SGCG: variants seen among roughly 807,000 people sequenced by gnomAD.
SGCG encodes gamma-sarcoglycan.
In SGCG, 26 loss-of-function variants were observed where a neutral mutation model predicts 29.3. That is an observed-to-expected ratio of 0.89 (90% confidence interval 0.65 to 1.23). The LOEUF is 1.23. Among genes scored for constraint, SGCG ranks in the 50% most tolerant of loss-of-function variants. SGCG has a pLI of 0.00. For missense variants in SGCG, 353 were observed against 356.0 expected (o/e 0.99, Z 0.07); for synonymous variants, 145 against 129.7 (o/e 1.12, Z -0.80).
intron 2 of SGCG, among the ~76,000 whole-genome samples, chr13:23,221,275 A>G (rs1427332215): frequency 6.6e-6 from 1 of 152,208 alleles, no homozygotes; most frequent in African/African-American, 2.4e-5. Flanking sequence ...TGATATAATT[A>G]TATGTTACCT....
chr13:23,276,463 C>T (rs1290355075), intron 4 of SGCG, among the ~76,000 whole-genome samples: 5 of 105,458 alleles, frequency 4.7e-5, no homozygotes, highest in African/African-American at 1.6e-4. Flanking sequence ...GACAGAGTCT[C>T]GCTCTGTTGC....
At chr13:23,284,907 GC>G (rs1881436357) in intron 5 of SGCG, among the ~76,000 whole-genome samples, 1 of 152,184 alleles carries the variant, frequency 6.6e-6, no homozygotes, top group African/African-American at 2.4e-5. Context: ...GTCCACTCCA[GC>G]CCCTGTTTGC....
At chr13:23,299,279 T>C (rs1381854667) in intron 6 of SGCG, among the ~76,000 whole-genome samples, 1 of 130,652 alleles carries the variant, frequency 7.7e-6, no homozygotes, top group Non-Finnish European at 1.6e-5. Context: ...ACTGATTATA[T>C]GATGGTCATA....
At chr13:23,187,576 C>T (rs55794830) in intron 1 of SGCG, among the ~76,000 whole-genome samples, 15,737 of 152,174 alleles carry the variant, frequency 0.1, 1,088 homozygotes, top group East Asian at 0.3. Context: ...AAATGTGGCC[C>T]GTTTCCTCCC....
intron 1 of SGCG, among the ~76,000 whole-genome samples, chr13:23,196,643 G>T (rs1192995415): frequency 6.6e-6 from 1 of 152,004 alleles, no homozygotes; most frequent in Admixed American, 6.6e-5. Flanking sequence ...GCTTGGTTGA[G>T]ATTATTTATA....
At chr13:23,314,407 T>TATATATATATATATATATATAA (rs1439124394) in intron 6 of SGCG, among the ~76,000 whole-genome samples, 10 of 140,942 alleles carry the variant, frequency 7.1e-5, no homozygotes, top group African/African-American at 2.4e-4. Context: ...TATATATATA[T>TATATATATATATATATATATAA]AATCTTATTC....
rs1361293561 is a variant in SGCG at position 23,279,350 on chromosome 13, A to G, written c.386-9A>G. The G allele has an allele frequency of 2.5e-6, 4 of 1,611,702 alleles. No homozygotes were observed. The highest frequency in any genetic ancestry group is 3.4e-6 in the Non-Finnish European group (4 of 1,178,488). On this transcript the variant is annotated splice_polypyrimidine_tract_variant and intron_variant, in intron 4 of 7. Coordinates refer to ENST00000218867, the MANE Select transcript of SGCG (RefSeq NM_000231.3). The stretch of plus-strand genomic sequence containing the variant: ...GAACAGTTTATAATAAACTGTTTTA[A>G]TTCTTCAGGTCCCAAAATGGTAGAA...
chr13:23,265,607 A>C (rs1007718491), intron 4 of SGCG, among the ~76,000 whole-genome samples: 4 of 152,142 alleles, frequency 2.6e-5, no homozygotes, highest in Admixed American at 2.6e-4. Flanking sequence ...ATAAGTAGGC[A>C]AAAGACATTA....
At chr13:23,228,367 A>C (rs989434234) in intron 2 of SGCG, among the ~76,000 whole-genome samples, 3 of 152,178 alleles carry the variant, frequency 2.0e-5, no homozygotes, top group Non-Finnish European at 2.9e-5. Context: ...TTATAGATTT[A>C]TTTTTTATTT....
chr13:23,205,174 A>G (rs888148693), intron 2 of SGCG, among the ~76,000 whole-genome samples: 1 of 152,162 alleles, frequency 6.6e-6, no homozygotes, highest in African/African-American at 2.4e-5. Flanking sequence ...TAAAATCACT[A>G]TTTCTACAGC....
intron 1 of SGCG, among the ~76,000 whole-genome samples, chr13:23,203,138 T>A (rs981077984): frequency 6.6e-6 from 1 of 152,098 alleles, no homozygotes; most frequent in Non-Finnish European, 1.5e-5. Context: ...TTTTTGTATT[T>A]TTAGTAGAGA....
chr13:23,248,204 CA>C (rs570432920), intron 3 of SGCG, among the ~76,000 whole-genome samples: 6,948 of 151,526 alleles, frequency 0.046, 185 homozygotes, highest in South Asian at 0.076. Context: ...AAATTTCTAT[CA>C]AAAAAAAATT....
At chr13:23,274,395 C>CTTTTTTTTT (rs869153381) in intron 4 of SGCG, among the ~76,000 whole-genome samples, 61 of 85,234 alleles carry the variant, frequency 7.2e-4, no homozygotes, top group Non-Finnish European at 1.0e-3. Context: ...CTTTCTTTCT[C>CTTTTTTTTT]TTTTTTTTTT....
intron 6 of SGCG, among the ~76,000 whole-genome samples, chr13:23,297,836 C>T (rs1166808814): frequency 6.6e-6 from 1 of 151,670 alleles, no homozygotes; most frequent in African/African-American, 2.4e-5. Context: ...CCTCTGCCTC[C>T]CGGATTCAAG....
chr13:23,161,384 T>G, the SGCG span, among the ~76,000 whole-genome samples: 9 of 152,222 alleles, frequency 5.9e-5, no homozygotes, highest in African/African-American at 2.2e-4. Flanking sequence ...ACTCATCCAG[T>G]GATAATATTG....
chr13:23,241,438 A>T (rs531051608), intron 3 of SGCG, among the ~76,000 whole-genome samples: 8 of 152,164 alleles, frequency 5.3e-5, no homozygotes, highest in Middle Eastern at 3.2e-3. Context: ...GGAAATCTAA[A>T]CAGACCAATA....
At chr13:23,187,123 C>T (rs1052946181) in intron 1 of SGCG, among the ~76,000 whole-genome samples, 7 of 152,168 alleles carry the variant, frequency 4.6e-5, no homozygotes, top group South Asian at 2.1e-4. Context: ...GGCCTCCCTC[C>T]CTGCCACCAT....
chr13:23,249,882 C>G (rs1468577861), intron 3 of SGCG, among the ~76,000 whole-genome samples: 1 of 151,852 alleles, frequency 6.6e-6, no homozygotes, highest in Non-Finnish European at 1.5e-5. Context: ...AAAAATTGTT[C>G]AAAGAATTAA....
intron 2 of SGCG, among the ~76,000 whole-genome samples, chr13:23,218,737 C>A (rs1029732886): frequency 9.2e-5 from 14 of 151,750 alleles, no homozygotes; most frequent in African/African-American, 3.4e-4. Context: ...TATTGTGCTG[C>A]TTTTATTGTA....
Sources: allele counts gnomAD v4.1 joint callset (sites outside exome capture counted in the v4.1 genomes callset), GRCh38; gene constraint gnomAD v4.1.1; transcripts MANE v1.5; gene names NCBI Gene and HGNC (gene_info 2026-07-23, HGNC 2026-07-21).